ZNF169: variants seen among roughly 807,000 people sequenced by gnomAD.
ZNF169 encodes zinc finger protein 169.
Under a neutral mutation model 12.0 loss-of-function variants are expected in ZNF169, and 11 were observed. That is an observed-to-expected ratio of 0.92 (90% CI 0.58 to 1.52). ZNF169 has a LOEUF of 1.52. Ranked by LOEUF, ZNF169 falls within the 40% of genes most tolerant of loss-of-function variation. ZNF169 has a pLI of 0.00. For missense variants in ZNF169, 722 were observed against 744.0 expected, an observed-to-expected ratio of 0.97 and a Z score of 0.34; for synonymous variants, 302 against 286.5, an observed-to-expected ratio of 1.05 and a Z score of -0.55.
At chr9:94,288,744 C>T (rs550712379) in intron 2 of ZNF169, among the ~76,000 whole-genome samples, 1 of 152,314 alleles carries the variant, frequency 6.6e-6, no homozygotes, top group East Asian at 1.9e-4. Flanking sequence ...CCCCTTCATC[C>T]TTCCACCATG....
At position 94,301,543 on chromosome 9, in the gene ZNF169, A is replaced by G; in HGVS notation, c.*173A>G. The G allele has an allele frequency of 1.6e-6, 2 of 1,213,152 alleles. No individual in the cohort carries two copies. The highest frequency in any genetic ancestry group is 3.6e-5 in the South Asian group (2 of 55,298). 75.1% of individuals were successfully genotyped at this position (1,213,152 alleles called of 1,614,324 possible). ...TGTCTTGGCTTGCTAGGGGTTCCAT[A>G]ACAAAGTACCCCAGGCTGGGTGATT... On this transcript the variant is annotated 3_prime_UTR_variant, in exon 5 of 5. Coordinates refer to ENST00000395395, the MANE Select transcript of ZNF169 (RefSeq NM_194320.4).
At chr9:94,280,331 G>A (rs971062455) in intron 2 of ZNF169, among the ~76,000 whole-genome samples, 2 of 152,088 alleles carry the variant, frequency 1.3e-5, no homozygotes, top group East Asian at 3.9e-4. Context: ...TTTCTTCCGT[G>A]TGTTGCACTT....
chr9:94,298,077 G>A (rs1478438046), intron 4 of ZNF169, among the ~76,000 whole-genome samples: 2 of 151,774 alleles, frequency 1.3e-5, no homozygotes, highest in Non-Finnish European at 2.9e-5. Flanking sequence ...TGAGGTGGGA[G>A]AATTGCTTGA....
chr9:94,299,580 C>T, intron 4 of ZNF169: 69 of 1,361,126 alleles, frequency 5.1e-5, no homozygotes, highest in Non-Finnish European at 6.4e-5. Flanking sequence ...ATGTGTAACT[C>T]TACTTGCAGC....
chr9:94,277,820 T>C (rs1227017981), intron 1 of ZNF169, among the ~76,000 whole-genome samples: 1 of 151,366 alleles, frequency 6.6e-6, no homozygotes, highest in Non-Finnish European at 1.5e-5. Context: ...TAGTCCCAGC[T>C]ACTCGGGAGG....
At chr9:94,284,230 G>A (rs1208464598) in intron 2 of ZNF169, among the ~76,000 whole-genome samples, 1 of 151,814 alleles carries the variant, frequency 6.6e-6, no homozygotes, top group Admixed American at 6.6e-5. Flanking sequence ...TTCAAGACCA[G>A]CCTGGCCAAC....
At position 94,300,118 on chromosome 9, in the gene ZNF169, G is replaced by T; in HGVS notation, c.560G>T (p.Arg187Leu). The change falls in exon 5 of 5, where the codon CGC (arginine) becomes CTC (leucine). Residue 187 changes from arginine (R) to leucine (L), a missense_variant. Physicochemically the swap from Arg to Leu is moderately radical, Grantham distance 102. Transcript: ENST00000395395. ...AACAGAGAAGGAGGAACAGACCTTCGCCTGGCCCAAAGGATGAGTCTTGGG... is the reference window on the plus strand; with the variant it reads ...AACAGAGAAGGAGGAACAGACCTTCTCCTGGCCCAAAGGATGAGTCTTGGG... ...EGNREGGTDL[R>L]LAQRMSLGGS... 1 of 1,614,136 alleles carries T rather than the reference G, an allele frequency of 6.2e-7. No homozygotes were observed. The highest frequency in any genetic ancestry group is 8.5e-7 in the Non-Finnish European group (1 of 1,180,026).
intron 1 of ZNF169, among the ~76,000 whole-genome samples, chr9:94,275,432 A>G (rs906111308): frequency 6.6e-6 from 1 of 152,112 alleles, no homozygotes; most frequent in Non-Finnish European, 1.5e-5. Context: ...AAGGATATGT[A>G]TTCTATACTT....
At chr9:94,259,743 C>T (rs1239857375) in intron 1 of ZNF169, among the ~76,000 whole-genome samples, 2 of 152,134 alleles carry the variant, frequency 1.3e-5, no homozygotes, top group Non-Finnish European at 2.9e-5. Flanking sequence ...ATCCCGCCAT[C>T]CCCTCCCCAC....
intron 1 of ZNF169, among the ~76,000 whole-genome samples, chr9:94,260,201 C>T (rs1465052149): frequency 6.6e-6 from 1 of 152,180 alleles, no homozygotes. Flanking sequence ...TACAGGCGCA[C>T]GCCACCACGC....
intron 2 of ZNF169, among the ~76,000 whole-genome samples, chr9:94,283,965 G>A (rs762256205): frequency 1.6e-4 from 24 of 149,866 alleles, no homozygotes; most frequent in Non-Finnish European, 3.4e-4. Context: ...CCATCTACCT[G>A]GGAGGCTGAG....
rs1007472510 is a variant in ZNF169, at chr9:94,292,863, C to T, written c.161-111C>T. ...AGACATAGTTTACTCCACCCCTGCA[C>T]CTCCCTACCACCTTCTGGGTTTATT... On this transcript the variant is annotated intron_variant, in intron 3 of 4. Transcript: ENST00000395395. 1.0e-5 allele frequency: 9 copies of T among 891,166 alleles called. No homozygotes were observed. The African/African-American group carries it at 1.3e-4, about 13-fold the overall frequency. 55.2% of individuals were successfully genotyped at this position (891,166 alleles called of 1,614,324 possible).
chr9:94,269,347 AG>A (rs111430638), intron 1 of ZNF169, among the ~76,000 whole-genome samples: 3,880 of 152,252 alleles, frequency 0.025, 186 homozygotes, highest in African/African-American at 0.086. Flanking sequence ...ACAGGAAAAC[AG>A]TAGGCTCCTG....
intron 1 of ZNF169, among the ~76,000 whole-genome samples, chr9:94,270,729 T>G (rs1002493913): frequency 5.4e-5 from 1 of 18,374 alleles, no homozygotes; most frequent in Non-Finnish European, 2.4e-4. Context: ...ATATTATATA[T>G]TATATAATTA....
Position 94,262,616 on chromosome 9 carries a change from C to A in ZNF169, c.-56+3271C>A, listed in dbSNP as rs534484693. On this transcript the variant is annotated intron_variant, in intron 1 of 4. Coordinates refer to ENST00000395395, the MANE Select transcript of ZNF169 (RefSeq NM_194320.4). ...TGGGCTACAGGCGTGCGCCACCATG[C>A]CCAGCTAAATTTTTTTGTATTTTTA... Among the ~76,000 whole-genome samples the A allele has an allele frequency of 3.9e-5, 6 of 152,028 alleles. No individual in the cohort carries two copies. In the South Asian group the frequency reaches 1.2e-3, roughly 32 times the overall value.
chr9:94,272,919 CAA>C (rs1406671503), intron 1 of ZNF169, among the ~76,000 whole-genome samples: 1 of 152,024 alleles, frequency 6.6e-6, no homozygotes, highest in Non-Finnish European at 1.5e-5. Flanking sequence ...AGTGGCCATA[CAA>C]ATTGGGGTTA....
chr9:94,296,818 G>A, intron 4 of ZNF169: 2 of 456,580 alleles, frequency 4.4e-6, no homozygotes, highest in South Asian at 3.1e-5. Flanking sequence ...AGCTTAGGCA[G>A]GCGGATCACA....
rs761915257 is a variant in ZNF169, at chr9:94,300,532, G to A, written c.974G>A (p.Arg325Gln). The change falls in exon 5 of 5, where the codon CGA becomes CAA. Residue 325 changes from arginine (R) to glutamine (Q), a missense_variant. Transcript: ENST00000395395. ...ERPFVCQECG[R>Q]GFRQKIALLL... is the part of the protein sequence containing the mutation. The stretch of plus-strand genomic sequence containing the variant: ...CCCTTTGTATGTCAGGAGTGTGGGC[G>A]AGGCTTTCGCCAGAAGATAGCCCTC... The A allele has an allele frequency of 1.3e-5, 21 of 1,614,008 alleles. No individual in the cohort carries two copies. In the African/African-American group the frequency reaches 1.3e-4, roughly 10 times the overall value.
intron 4 of ZNF169, chr9:94,293,462 G>C (rs778524767): frequency 4.2e-6 from 2 of 471,172 alleles, no homozygotes; most frequent in South Asian, 2.4e-5. Flanking sequence ...TGTCACCCAG[G>C]CTGGAGTGCA....
Sources: allele counts gnomAD v4.1 joint callset (sites outside exome capture counted in the v4.1 genomes callset), GRCh38; gene constraint gnomAD v4.1.1; transcripts MANE v1.5; gene names NCBI Gene and HGNC (gene_info 2026-07-23, HGNC 2026-07-21).